Variants in TAFA2 observed in about 807,000 individuals in gnomAD.
The protein encoded by TAFA2 is TAFA chemokine like family member 2, also known as chemokine-like protein TAFA-2.
TAFA2 carries 7 observed loss-of-function variants against 18.8 expected under a neutral mutation model. That is an observed-to-expected ratio of 0.37 (90% confidence interval 0.21 to 0.70). TAFA2 has a LOEUF of 0.70. Among genes scored for constraint, TAFA2 ranks in the 30% least tolerant of loss-of-function variants. The pLI, the probability that TAFA2 is intolerant of heterozygous loss-of-function variation, is 0.53. For synonymous variants in TAFA2, 60 were observed against 54.2 expected (o/e 1.11, Z -0.47); for missense variants, 122 against 158.1 (o/e 0.77, Z 1.23).
At chr12:61,749,419 G>T (rs976308621) in intron 4 of TAFA2, among the ~76,000 whole-genome samples, 2 of 152,064 alleles carry the variant, frequency 1.3e-5, no homozygotes, top group Non-Finnish European at 2.9e-5. Context: ...GATAATACCT[G>T]CAATGTACTC....
At chr12:62,125,686 T>G (rs1199102620) in intron 1 of TAFA2, among the ~76,000 whole-genome samples, 1 of 152,132 alleles carries the variant, frequency 6.6e-6, no homozygotes, top group Non-Finnish European at 1.5e-5. Context: ...TTTTTTCTTT[T>G]GTTTCCTGTG....
chr12:62,177,541 A>C (rs1199255649), intron 1 of TAFA2, among the ~76,000 whole-genome samples: 1 of 152,366 alleles, frequency 6.6e-6, no homozygotes, highest in South Asian at 2.1e-4. Context: ...CTAACAGTAC[A>C]CTAATGACTT....
chr12:61,772,808 G>A (rs1253737520), intron 2 of TAFA2, among the ~76,000 whole-genome samples: 2 of 151,822 alleles, frequency 1.3e-5, no homozygotes, highest in Non-Finnish European at 2.9e-5. Flanking sequence ...ACAAGAAAAG[G>A]ATTCCCACGT....
intron 1 of TAFA2, among the ~76,000 whole-genome samples, chr12:61,986,158 CTTTTTT>C (rs551223452): frequency 2.2e-3 from 147 of 65,824 alleles, no homozygotes; most frequent in African/African-American, 8.7e-3. Flanking sequence ...CTAAGCTCTT[CTTTTTT>C]TTTTTTTTTT....
In TAFA2 at chr12:61,962,740, A is replaced by C. The variant is rs375461429; in HGVS notation, c.-1-95314T>G. Among the ~76,000 whole-genome samples, 92 of 152,026 alleles carry C rather than the reference A, an allele frequency of 6.1e-4. 1 individual carries two copies. The highest frequency in any genetic ancestry group is 3.4e-3 in the Middle Eastern group (1 of 294). ...ATTATACACATATGTTCCCGGTCTC[A>C]TCTGTATTAAATTTTTTTTATTATT... On this transcript the variant is annotated intron_variant, in intron 1 of 4. Transcript: ENST00000416284.
chr12:62,173,229 A>G (rs980313792), intron 1 of TAFA2, among the ~76,000 whole-genome samples: 7 of 152,320 alleles, frequency 4.6e-5, no homozygotes, highest in African/African-American at 1.2e-4. Flanking sequence ...CCTGGCCAAC[A>G]TGGTGAAACC....
chr12:61,986,464 A>T (rs1050615877), intron 1 of TAFA2, among the ~76,000 whole-genome samples: 1 of 151,174 alleles, frequency 6.6e-6, no homozygotes, highest in African/African-American at 2.4e-5. Context: ...ACACCCAGCT[A>T]ATTTTTATAT....
At chr12:62,018,169 G>T (rs187276379) in intron 1 of TAFA2, among the ~76,000 whole-genome samples, 1 of 152,274 alleles carries the variant, frequency 6.6e-6, no homozygotes, top group East Asian at 1.9e-4. Flanking sequence ...TGATAACATG[G>T]ACACTGTAAT....
At chr12:61,871,729 T>A (rs1874611039) in intron 1 of TAFA2, among the ~76,000 whole-genome samples, 1 of 152,172 alleles carries the variant, frequency 6.6e-6, no homozygotes, top group African/African-American at 2.4e-5. Flanking sequence ...TGTTACATAT[T>A]TCACTTATGT....
At position 62,063,855 on chromosome 12, in the gene TAFA2, GAC is replaced by G. The variant is rs3031045; in HGVS notation, c.-2+127402_-2+127403del. Among the ~76,000 whole-genome samples the G allele has an allele frequency of 2.0e-3, 301 of 147,660 alleles. 1 individual carries two copies. Among genetic ancestry groups the G allele is most frequent in the African/African-American group, 2.2e-3 (89 of 40,146 alleles). ...GGTTTTTGCTATGTAAGGGTGGCTG[GAC>G]ACACACACACACACACACACACACA... is the stretch of plus-strand genomic sequence containing the variant. On this transcript the variant is annotated intron_variant, in intron 1 of 4. Coordinates refer to ENST00000416284, the MANE Select transcript of TAFA2 (RefSeq NM_178539.5).
chr12:62,138,886 A>AAGTTTGCCAACTTTATCCTT (rs1372936099), intron 1 of TAFA2, among the ~76,000 whole-genome samples: 1 of 152,206 alleles, frequency 6.6e-6, no homozygotes, highest in African/African-American at 2.4e-5. Context: ...CATTTTAAGC[A>AAGTTTGCCAACTTTATCCTT]AGTTTGCCAA....
intron 1 of TAFA2, among the ~76,000 whole-genome samples, chr12:62,036,439 A>G (rs1881613847): frequency 6.6e-6 from 1 of 152,158 alleles, no homozygotes; most frequent in Admixed American, 6.5e-5. Flanking sequence ...CCGTTCCCAA[A>G]ATGTTCTGAA....
intron 2 of TAFA2, among the ~76,000 whole-genome samples, chr12:61,807,104 G>A (rs1871648101): frequency 6.8e-6 from 1 of 148,004 alleles, no homozygotes; most frequent in Non-Finnish European, 1.5e-5. Flanking sequence ...GGGCATGTCA[G>A]ACGTCTTCAT....
chr12:62,217,145 A>C (rs1337512645), intron 1 of TAFA2, among the ~76,000 whole-genome samples: 1 of 152,118 alleles, frequency 6.6e-6, no homozygotes, highest in African/African-American at 2.4e-5. Context: ...GCTTTTACCC[A>C]CCCTCTAGAT....
chr12:61,828,518 A>G (rs1337195046), intron 2 of TAFA2, among the ~76,000 whole-genome samples: 1 of 151,848 alleles, frequency 6.6e-6, no homozygotes, highest in Non-Finnish European at 1.5e-5. Flanking sequence ...AATTTTAAAA[A>G]TAATATGAAC....
intron 1 of TAFA2, among the ~76,000 whole-genome samples, chr12:62,013,437 C>T (rs1054289421): frequency 6.6e-6 from 1 of 152,132 alleles, no homozygotes; most frequent in Non-Finnish European, 1.5e-5. Context: ...GAAGACTTCC[C>T]ACTGCTAATG....
At chr12:62,074,986 GCCA>G (rs1397335628) in intron 1 of TAFA2, among the ~76,000 whole-genome samples, 1 of 152,100 alleles carries the variant, frequency 6.6e-6, no homozygotes, top group Admixed American at 6.5e-5. Context: ...ACAGGCGTGA[GCCA>G]CCACACTTGA....
chr12:61,973,559 A>G (rs1028295920), intron 1 of TAFA2, among the ~76,000 whole-genome samples: 5 of 151,624 alleles, frequency 3.3e-5, no homozygotes, highest in African/African-American at 4.8e-5. Flanking sequence ...AAAAATTTCA[A>G]ATCCCAAGCT....
intron 1 of TAFA2, among the ~76,000 whole-genome samples, chr12:61,972,604 C>G (rs929999971): frequency 6.6e-6 from 1 of 151,578 alleles, no homozygotes; most frequent in Non-Finnish European, 1.5e-5. Context: ...GGGGAAAGGA[C>G]TAAGCAGTAA....
Sources: gnomAD v4.1 joint callset for allele counts (sites outside exome capture counted in the v4.1 genomes callset) on GRCh38, gnomAD v4.1.1 for gene constraint, MANE v1.5 for transcripts, NCBI Gene and HGNC (gene_info 2026-07-23, HGNC 2026-07-21) for gene names.